Variants in NAALADL2 observed in about 807,000 individuals in gnomAD.
NAALADL2 encodes N-acetylated alpha-linked acidic dipeptidase like 2.
A neutral mutation model predicts 87.2 loss-of-function variants in NAALADL2; 76 were observed. The observed-to-expected ratio is 0.87, with a 90% CI of 0.72 to 1.05. The LOEUF (loss-of-function observed/expected upper bound fraction) is 1.05. Among genes scored for constraint, NAALADL2 ranks in the 50% least tolerant of loss-of-function variants. The pLI is 0.00. For synonymous variants in NAALADL2, 354 were observed against 331.0 expected (o/e 1.07, Z -0.75); for missense variants, 1,089 against 945.8 (o/e 1.15, Z -1.99).
At chr3:175,310,829 C>T (rs1026491886) in intron 4 of NAALADL2, among the ~76,000 whole-genome samples, 9 of 151,704 alleles carry the variant, frequency 5.9e-5, no homozygotes, top group African/African-American at 2.2e-4. Context: ...AATCAGAAGC[C>T]TACTGTCTTT....
At chr3:174,820,694 C>T (rs1025698469) in intron 3 of NAALADL2, among the ~76,000 whole-genome samples, 4 of 151,922 alleles carry the variant, frequency 2.6e-5, no homozygotes, top group African/African-American at 4.8e-5. Context: ...AAATAATTGA[C>T]ATAAGATAAT....
chr3:175,650,030 G>A, intron 11 of NAALADL2, among the ~76,000 whole-genome samples: 1 of 135,728 alleles, frequency 7.4e-6, no homozygotes. Context: ...AATATTCATA[G>A]CAGCATTATT....
At chr3:174,980,061 C>A (rs1320399072) in intron 1 of NAALADL2, among the ~76,000 whole-genome samples, 1 of 152,196 alleles carries the variant, frequency 6.6e-6, no homozygotes, top group Admixed American at 6.5e-5. Context: ...CCACAGCCTA[C>A]AATGCCTCTC....
chr3:175,315,225 C>G (rs1267140681), intron 4 of NAALADL2, among the ~76,000 whole-genome samples: 1 of 152,100 alleles, frequency 6.6e-6, no homozygotes, highest in East Asian at 1.9e-4. Context: ...TATCAGGCAC[C>G]TACCTTGCTC....
chr3:175,231,247 A>G (rs1259550226), intron 2 of NAALADL2, among the ~76,000 whole-genome samples: 1 of 151,970 alleles, frequency 6.6e-6, no homozygotes, highest in Non-Finnish European at 1.5e-5. Flanking sequence ...TAAGTGATTG[A>G]ATAGAGAAAA....
chr3:175,536,561 A>C (rs540554392), intron 9 of NAALADL2, among the ~76,000 whole-genome samples: 3 of 152,296 alleles, frequency 2.0e-5, no homozygotes, highest in African/African-American at 7.2e-5. Context: ...TTAGACTTGA[A>C]ATTAAATATT....
chr3:175,085,956 T>C (rs115154572), intron 1 of NAALADL2, among the ~76,000 whole-genome samples: 1,723 of 152,254 alleles, frequency 0.011, 37 homozygotes, highest in African/African-American at 0.039. Context: ...ATAGACAGGT[T>C]ATAATTGTAA....
At chr3:175,146,349 A>G (rs1730751763) in intron 2 of NAALADL2, among the ~76,000 whole-genome samples, 1 of 152,160 alleles carries the variant, frequency 6.6e-6, no homozygotes, top group South Asian at 2.1e-4. Context: ...AAATATGTAC[A>G]GTGCTCCCAT....
At chr3:175,009,880 A>T (rs1266572483) in intron 1 of NAALADL2, among the ~76,000 whole-genome samples, 1 of 152,020 alleles carries the variant, frequency 6.6e-6, no homozygotes, top group Non-Finnish European at 1.5e-5. Flanking sequence ...GTTTTTATCA[A>T]AATAATATAT....
chr3:175,288,563 T>A (rs954393535), intron 4 of NAALADL2, among the ~76,000 whole-genome samples: 4 of 152,172 alleles, frequency 2.6e-5, no homozygotes, highest in African/African-American at 9.7e-5. Flanking sequence ...TATCTAACCA[T>A]CCTTTCATCC....
chr3:174,539,566 G>A (rs1343710610), intron 1 of NAALADL2, among the ~76,000 whole-genome samples: 1 of 152,056 alleles, frequency 6.6e-6, no homozygotes, highest in Non-Finnish European at 1.5e-5. Flanking sequence ...TCTTTAAAAT[G>A]TGCTATCTTA....
intron 4 of NAALADL2, among the ~76,000 whole-genome samples, chr3:175,298,264 G>C (rs762443515): frequency 6.6e-6 from 1 of 152,084 alleles, no homozygotes; most frequent in Non-Finnish European, 1.5e-5. Context: ...CAATGAACTG[G>C]AGGGATGCGG....
chr3:174,854,602 A>C (rs928929342), upstream of NAALADL2, among the ~76,000 whole-genome samples: 7 of 152,154 alleles, frequency 4.6e-5, no homozygotes, highest in African/African-American at 1.2e-4. Context: ...GCTAATATCC[A>C]TTACACATTA....
chr3:174,962,412 C>G (rs1437970660), intron 1 of NAALADL2, among the ~76,000 whole-genome samples: 1 of 89,098 alleles, frequency 1.1e-5, no homozygotes, highest in Non-Finnish European at 2.1e-5. Flanking sequence ...GTGACTATGA[C>G]ATATATATAT....
chr3:175,669,349 G>C (rs547019947), intron 11 of NAALADL2, among the ~76,000 whole-genome samples: 30 of 152,110 alleles, frequency 2.0e-4, no homozygotes, highest in African/African-American at 7.2e-4. Flanking sequence ...TGGTCATTAT[G>C]ACAATAAGTT....
rs1336579005 is a variant in NAALADL2, at chr3:175,471,913, A to G, written c.1653+155A>G. On this transcript the variant is annotated intron_variant, in intron 9 of 13. Transcript: ENST00000454872. ...TCTATTGCTGACATTTTATCAATAT[A>G]CCTTAACTAATTTCTTATGTTCTGG... 4.6e-5 allele frequency among the ~76,000 whole-genome samples: 7 copies of G among 152,150 alleles called. No homozygotes were observed. In the East Asian group the frequency reaches 1.3e-3, roughly 29 times the overall value.
chr3:175,263,834 T>C (rs763443188), intron 4 of NAALADL2, among the ~76,000 whole-genome samples: 38 of 151,690 alleles, frequency 2.5e-4, no homozygotes, highest in Non-Finnish European at 4.6e-4. Flanking sequence ...GTTTCAGAAA[T>C]ATTTATATAT....
chr3:175,727,357 C>T (rs1300814677), intron 11 of NAALADL2, among the ~76,000 whole-genome samples: 2 of 152,144 alleles, frequency 1.3e-5, no homozygotes, highest in East Asian at 3.9e-4. Flanking sequence ...TCAAGTTTAA[C>T]ACTGTTTGCT....
At chr3:174,926,408 A>C (rs1288073740) in intron 1 of NAALADL2, among the ~76,000 whole-genome samples, 1 of 152,156 alleles carries the variant, frequency 6.6e-6, no homozygotes, top group Non-Finnish European at 1.5e-5. Flanking sequence ...TAATTATCAG[A>C]TTCACCAAAG....
Sources: gnomAD v4.1 joint callset for allele counts (sites outside exome capture counted in the v4.1 genomes callset) on GRCh38, gnomAD v4.1.1 for gene constraint, MANE v1.5 for transcripts, NCBI Gene and HGNC (gene_info 2026-07-23, HGNC 2026-07-21) for gene names.